Variants in MPC2 observed in about 807,000 individuals in gnomAD.
MPC2 encodes mitochondrial pyruvate carrier 2.
In MPC2, 19 loss-of-function variants were observed where a neutral mutation model predicts 19.2. The observed-to-expected ratio is 0.99, with a 90% CI of 0.69 to 1.45. MPC2 has a LOEUF of 1.45. Among genes scored for constraint, MPC2 ranks in the 40% most tolerant of loss-of-function variants. The probability of loss-of-function intolerance (pLI) is 0.00; values close to 1 mark genes in which losing one functional copy is unlikely to be tolerated. For synonymous variants in MPC2, 61 were observed against 54.3 expected, an observed-to-expected ratio of 1.12 and a Z score of -0.54; for missense variants, 122 against 153.0, an observed-to-expected ratio of 0.80 and a Z score of 1.07.
intron 2 of MPC2, among the ~76,000 whole-genome samples, chr1:167,925,470 T>TAG (rs1553200826): frequency 6.5e-5 from 7 of 107,774 alleles, no homozygotes; most frequent in African/African-American, 2.9e-4. Flanking sequence ...TATATATATA[T>TAG]ATATACATAT....
At chr1:167,928,367 A>G (rs1285299659) in intron 2 of MPC2, among the ~76,000 whole-genome samples, 3 of 152,204 alleles carry the variant, frequency 2.0e-5, no homozygotes, top group Non-Finnish European at 4.4e-5. Flanking sequence ...ATTTTAAAGA[A>G]AACTTAACCC....
Position 167,920,057 on chromosome 1 carries a change from A to G in MPC2, c.269T>C (p.Ile90Thr), listed in dbSNP as rs780660875. ...AGCAAACAGACTCCAATTTTTTGGA[A>G]TAATTACAAGTGAGTATCTTGACCA... Reference protein sequence around the residue: ...FIWSRYSLVIIPKNWSLFAVN... With the variant: ...FIWSRYSLVITPKNWSLFAVN... Residue 90 changes from isoleucine (I) to threonine (T), a missense_variant, in exon 5 of 6, where the codon ATT (isoleucine) becomes ACT (threonine). Physicochemically the swap from Ile to Thr is moderately conservative, Grantham distance 89. Coordinates refer to ENST00000271373, the MANE Select transcript of MPC2 (RefSeq NM_001143674.4). 6.2e-7 allele frequency: 1 copy of G among 1,613,570 alleles called. No individual in the cohort carries two copies. The highest frequency in any genetic ancestry group is 8.5e-7 in the Non-Finnish European group (1 of 1,179,718).
rs557331912 is a variant in MPC2 at position 167,925,530 on chromosome 1, TTTG to T, written c.110-996_110-994del. ...ACACATACAAACAACGTTTTTTTTTTTTGGTTTTTTTTTTGGTTTTTTTTGTTT... is the reference window on the plus strand; with the variant it reads ...ACACATACAAACAACGTTTTTTTTTTGTTTTTTTTTTGGTTTTTTTTGTTT... On this transcript the variant is annotated intron_variant, in intron 2 of 5. Transcript: ENST00000271373. Among the ~76,000 whole-genome samples the T allele has an allele frequency of 8.2e-4, 120 of 145,552 alleles. 1 individual carries two copies. In the South Asian group the frequency reaches 0.022, roughly 27 times the overall value.
intron 2 of MPC2, among the ~76,000 whole-genome samples, chr1:167,925,454 T>TATATATATATATATATATACATATAC (rs1557854041): frequency 9.6e-5 from 11 of 114,706 alleles, no homozygotes; most frequent in African/African-American, 2.5e-4. Context: ...TATATATATA[T>TATATATATATATATATATACATATAC]ATATATATAT....
chr1:167,924,318 C>T, intron 3 of MPC2, 179 bp downstream of exon 3: 1 of 462,154 alleles, frequency 2.2e-6, no homozygotes, highest in Non-Finnish European at 3.8e-6. Context: ...TTCAGAAAAA[C>T]TAAAGTAGAT....
chr1:167,936,034 G>T (rs1442490079), intron 1 of MPC2, 136 bp from the exon 2 acceptor site: 1 of 601,276 alleles, frequency 1.7e-6, no homozygotes, highest in South Asian at 2.0e-5. Flanking sequence ...CGAAGGTTGA[G>T]GGGGCGGAGG....
At chr1:167,918,631 T>G (rs553006980) in intron 5 of MPC2, among the ~76,000 whole-genome samples, 2 of 151,060 alleles carry the variant, frequency 1.3e-5, no homozygotes, top group Non-Finnish European at 2.9e-5. Flanking sequence ...TCTCACTCTG[T>G]CGCCCAGGCT....
Position 167,920,152 on chromosome 1 carries a change from C to T in MPC2, c.236-62G>A, listed in dbSNP as rs559127162. On this transcript the variant is annotated intron_variant, in intron 4 of 5. Coordinates refer to ENST00000271373, the MANE Select transcript of MPC2 (RefSeq NM_001143674.4). ...ACTGCTTCAATAACTTCAGTGAATACTTAATATTGAGTAAAGTAATTACAA... is the reference window on the plus strand; with the variant it reads ...ACTGCTTCAATAACTTCAGTGAATATTTAATATTGAGTAAAGTAATTACAA... 96 of 1,009,892 alleles carry T rather than the reference C, an allele frequency of 9.5e-5. 1 individual carries two copies. The highest frequency in any genetic ancestry group is 5.4e-4 in the South Asian group (37 of 67,930). 62.6% of individuals were successfully genotyped at this position (1,009,892 alleles called of 1,614,324 possible).
Position 167,920,623 on chromosome 1 carries a change from C to T in MPC2, c.159G>A (p.Val53=). 6.2e-7 allele frequency: 1 copy of T among 1,613,478 alleles called. No homozygotes were observed. Among genetic ancestry groups the T allele is most frequent in the Non-Finnish European group, 8.5e-7 (1 of 1,179,720 alleles). The part of the protein sequence containing the change: ...FWAPIMKWGL[V]CAGLADMARP... ...TGGCCATATCAGCCAATCCAGCACA[C>T]ACCAACCCCTACACATTAACGCATA... The change falls in exon 4 of 6, where the codon GTG becomes GTA. Residue 53 remains valine (V), a synonymous_variant. Transcript: ENST00000271373.
intron 2 of MPC2, among the ~76,000 whole-genome samples, chr1:167,929,562 T>C (rs1014549377): frequency 2.5e-4 from 38 of 152,204 alleles, no homozygotes; most frequent in Admixed American, 2.0e-4. Context: ...AATTTTCAAA[T>C]AAACAAATTT....
chr1:167,935,828 C>T lies in MPC2; in HGVS notation c.14G>A (p.Gly5Asp), dbSNP rs1483023165. 5.2e-6 allele frequency: 8 copies of T among 1,552,004 alleles called. No homozygotes were observed. In the South Asian group the frequency reaches 9.5e-5, roughly 18 times the overall value. Residue 5 changes from glycine (G) to aspartate (D), a missense_variant, in exon 2 of 6, where the codon GGT (glycine) becomes GAT (aspartate). By Grantham distance (94) the Gly-to-Asp change is moderately conservative. Coordinates refer to ENST00000271373, the MANE Select transcript of MPC2 (RefSeq NM_001143674.4). ...GTAGGTGGCCCGCAGGCCTCGGGCA[C>T]CGGCGGCCGACATCGCCGCCGAGGG... MSAA[G>D]ARGLRATYHR...
chr1:167,931,546 CTT>C (rs1204233929), intron 2 of MPC2, among the ~76,000 whole-genome samples: 7 of 151,652 alleles, frequency 4.6e-5, no homozygotes, highest in South Asian at 2.1e-4. Flanking sequence ...TAAATATACA[CTT>C]AAGAATATAT....
At position 167,920,054 on chromosome 1, in the gene MPC2, G is replaced by C; in HGVS notation, c.272C>G (p.Pro91Arg). ...IWSRYSLVII[P>R]KNWSLFAVNF... ...AACAGCAAACAGACTCCAATTTTTT[G>C]GAATAATTACAAGTGAGTATCTTGA... is the stretch of plus-strand genomic sequence containing the variant. The change falls in exon 5 of 6, where the codon CCA becomes CGA. Residue 91 changes from proline (P) to arginine (R), a missense_variant. Physicochemically the swap from Pro to Arg is moderately radical, Grantham distance 103. Transcript: ENST00000271373. 1 of 1,612,912 alleles carries C rather than the reference G, an allele frequency of 6.2e-7. No homozygotes were observed. Among genetic ancestry groups the C allele is most frequent in the East Asian group, 2.2e-5 (1 of 44,796 alleles).
At chr1:167,933,226 G>A (rs1476747327) in intron 2 of MPC2, among the ~76,000 whole-genome samples, 2 of 148,910 alleles carry the variant, frequency 1.3e-5, no homozygotes, top group African/African-American at 5.0e-5. Flanking sequence ...GGAGTGCAAT[G>A]GCACGATCTT....
chr1:167,930,950 T>C (rs868579227), intron 2 of MPC2, among the ~76,000 whole-genome samples: 1 of 152,226 alleles, frequency 6.6e-6, no homozygotes, highest in South Asian at 2.1e-4. Context: ...GCATCAAGGA[T>C]GATAATCTGC....
chr1:167,920,087 A>G lies in MPC2; in HGVS notation c.239T>C (p.Phe80Ser), dbSNP rs1168908435. The G allele has an allele frequency of 6.3e-7, 1 of 1,594,848 alleles. No individual in the cohort carries two copies. Residue 80 changes from phenylalanine (F) to serine (S), a missense_variant, in exon 5 of 6, where the codon TTT (phenylalanine) becomes TCT (serine). Coordinates refer to ENST00000271373, the MANE Select transcript of MPC2 (RefSeq NM_001143674.4). ...TACAAGTGAGTATCTTGACCAAATA[A>G]ACCCTGTTGAAACAAAATGTTACTT... ...AQSAVLMATGFIWSRYSLVII... is the reference protein window; with the variant it reads ...AQSAVLMATGSIWSRYSLVII...
intron 3 of MPC2, among the ~76,000 whole-genome samples, chr1:167,922,537 T>C (rs1004283261): frequency 8.6e-5 from 13 of 151,914 alleles, no homozygotes; most frequent in African/African-American, 3.1e-4. Flanking sequence ...AAGAAGGAAA[T>C]GGTAATGTAA....
Position 167,935,731 on chromosome 1 carries a change from A to G in MPC2, c.109+2T>C. 5 of 1,558,070 alleles carry G rather than the reference A, an allele frequency of 3.2e-6. No individual in the cohort carries two copies. Among genetic ancestry groups the G allele is most frequent in the Non-Finnish European group, 4.3e-6 (5 of 1,150,146 alleles). On this transcript the variant is annotated splice_donor_variant, in intron 2 of 5. Transcript: ENST00000271373. LOFTEE classifies it high-confidence loss of function. ...GATAAGGAGCCATTCAGGGTCCATT[A>G]CCTGCTGGATGGTTGTACAACGGCC...
At chr1:167,928,757 A>G (rs554887560) in intron 2 of MPC2, among the ~76,000 whole-genome samples, 2 of 152,344 alleles carry the variant, frequency 1.3e-5, no homozygotes, top group South Asian at 4.1e-4. Context: ...AGTGATTATA[A>G]TACCTTAATA....
Sources: allele counts gnomAD v4.1 joint callset (sites outside exome capture counted in the v4.1 genomes callset), GRCh38; gene constraint gnomAD v4.1.1; transcripts MANE v1.5; gene names NCBI Gene and HGNC (gene_info 2026-07-23, HGNC 2026-07-21).